The following IQSEC2 variants were observed in gnomAD, a reference collection of about 807,000 sequenced individuals.
IQSEC2 encodes IQ motif and Sec7 domain ArfGEF 2, also known as IQ motif and SEC7 domain-containing protein 2.
IQSEC2 carries 6 observed loss-of-function variants against 74.6 expected under a neutral mutation model. That is an observed-to-expected ratio of 0.08 (90% CI 0.04 to 0.16). The LOEUF is 0.16. Ranked by LOEUF, IQSEC2 falls within the 10% of genes least tolerant of loss-of-function variation. IQSEC2 has a pLI of 1.00. For missense variants in IQSEC2, 734 were observed against 1,306.2 expected (o/e 0.56, Z 6.75); for synonymous variants, 494 against 544.5 (o/e 0.91, Z 1.29).
chrX:53,309,266 C>T (rs1353622214), intron 1 of IQSEC2, among the ~76,000 whole-genome samples: 2 of 111,748 alleles, frequency 1.8e-5, no homozygotes, highest in Admixed American at 9.5e-5. Context: ...ATGAAGTTAC[C>T]GCCAGAAGAA....
chrX:53,225,999 TTAAC>T (rs1306120643), downstream of IQSEC2: 1 of 112,864 alleles, frequency 8.9e-6, no homozygotes, highest in Non-Finnish European at 1.9e-5. Flanking sequence ...TATGTATACT[TTAAC>T]TATTGGATGT....
chrX:53,244,773 A>G (rs1556861718), intron 8 of IQSEC2, among the ~76,000 whole-genome samples: 1 of 111,673 alleles, frequency 9.0e-6, no homozygotes, highest in African/African-American at 3.3e-5. Flanking sequence ...ATGGGGGAAA[A>G]GATTAGAACG....
chrX:53,307,919 G>A lies in IQSEC2; in HGVS notation c.707+12498C>T, dbSNP rs1260532460. On this transcript the variant is annotated intron_variant, in intron 1 of 14. Coordinates refer to ENST00000642864, the MANE Select transcript of IQSEC2 (RefSeq NM_001111125.3). ...AAAAAAAAAAAGGCCGGGCACGGCG[G>A]CTCATGCCTATAATCCCAGCACTTT... Among the ~76,000 whole-genome samples, 11 of 107,096 alleles carry A rather than the reference G, an allele frequency of 1.0e-4. No homozygotes were observed. In the Admixed American group the frequency reaches 1.1e-3, roughly 11 times the overall value. 93.0% of individuals were successfully genotyped at this position (107,096 alleles called of 115,157 possible).
At chrX:53,315,383 C>T (rs1156800592) in intron 1 of IQSEC2, among the ~76,000 whole-genome samples, 2 of 111,721 alleles carry the variant, frequency 1.8e-5, no homozygotes, top group Non-Finnish European at 3.8e-5. Context: ...AAGAGTGAAA[C>T]TCATAAAACA....
intron 2 of IQSEC2, among the ~76,000 whole-genome samples, chrX:53,267,227 T>C (rs1279944596): frequency 9.0e-6 from 1 of 111,486 alleles, no homozygotes; most frequent in Non-Finnish European, 1.9e-5. Flanking sequence ...TGATGGATTA[T>C]CCAGGGTCAC....
intron 7 of IQSEC2, 116 bp from the exon 8 acceptor site, chrX:53,247,251 T>G: frequency 4.2e-6 from 3 of 717,884 alleles, no homozygotes; most frequent in Non-Finnish European, 6.3e-6. Context: ...TCTTGATCTC[T>G]GGGTCTGTCC....
chrX:53,292,214 T>C (rs1344110182), intron 1 of IQSEC2, among the ~76,000 whole-genome samples: 1 of 111,555 alleles, frequency 9.0e-6, no homozygotes, highest in Non-Finnish European at 1.9e-5. Flanking sequence ...ACCAAACATG[T>C]GGGGCCTAGT....
intron 1 of IQSEC2, among the ~76,000 whole-genome samples, chrX:53,312,878 C>A (rs1556878287): frequency 8.9e-6 from 1 of 112,321 alleles, no homozygotes; most frequent in African/African-American, 3.2e-5. Flanking sequence ...TGGAATCCAG[C>A]AGGAAATCAC....
rs782674949 is a variant in IQSEC2 at position 53,236,508 on chromosome X, C to T, written c.3278-13G>A. The T allele has an allele frequency of 7.6e-6, 9 of 1,186,715 alleles. No individual in the cohort carries two copies. The African/African-American group carries it at 8.8e-5, about 12-fold the overall frequency. ...TTCTCCAGCTCCGCTGGGTGGCAGT[C>T]GGGGAGACAGGGAGCAAAGGTCAGG... On this transcript the variant is annotated splice_polypyrimidine_tract_variant and intron_variant, in intron 12 of 14. Coordinates refer to ENST00000642864, the MANE Select transcript of IQSEC2 (RefSeq NM_001111125.3).
intron 2 of IQSEC2, chrX:53,266,674 G>A: frequency 1.1e-6 from 1 of 883,352 alleles, no homozygotes; most frequent in African/African-American, 2.2e-5. Context: ...TGCGGGTACG[G>A]GAGGATCCAG....
intron 2 of IQSEC2, among the ~76,000 whole-genome samples, chrX:53,280,085 G>A (rs1323559795): frequency 3.7e-5 from 4 of 109,072 alleles, no homozygotes; most frequent in Non-Finnish European, 5.7e-5. Context: ...TGTTCCAGGT[G>A]ACTCCGTGGG....
intron 1 of IQSEC2, among the ~76,000 whole-genome samples, chrX:53,307,126 C>T (rs2075270622): frequency 9.1e-6 from 1 of 109,339 alleles, no homozygotes; most frequent in Non-Finnish European, 1.9e-5. Context: ...ATGTTGGTGC[C>T]CCCAAAATAA....
At chrX:53,266,501 G>A (rs1045619304) in intron 2 of IQSEC2, 25 of 755,171 alleles carry the variant, frequency 3.3e-5, no homozygotes, top group East Asian at 1.5e-4. Context: ...GGGAACAAAC[G>A]ACAGGGAACT....
chrX:53,255,834 C>T lies in IQSEC2; in HGVS notation c.965G>A (p.Ser322Asn), dbSNP rs781915659. 14 of 1,210,445 alleles carry T rather than the reference C, an allele frequency of 1.2e-5. 1 individual carries two copies. The South Asian group carries it at 2.3e-4, about 20-fold the overall frequency. ...EIKRSKALSD[S>N]YELSTDLQDK... ...CTGCAGGTCTGTGGAGAGTTCATAG[C>T]TGTCCGATAGGGCCTTGGAGCGCTT... Residue 322 changes from serine to asparagine, a missense_variant, in exon 3 of 15, where the codon AGC (serine) becomes AAC (asparagine). By Grantham distance (46) the Ser-to-Asn change is conservative. Coordinates refer to ENST00000642864, the MANE Select transcript of IQSEC2 (RefSeq NM_001111125.3).
intron 1 of IQSEC2, among the ~76,000 whole-genome samples, chrX:53,317,472 C>T (rs993951472): frequency 6.3e-5 from 7 of 111,643 alleles, no homozygotes; most frequent in African/African-American, 2.3e-4. Flanking sequence ...GGGAGTCTGT[C>T]TTATGAGTAA....
chrX:53,271,949 T>C (rs2074750362), intron 2 of IQSEC2, among the ~76,000 whole-genome samples: 1 of 111,513 alleles, frequency 9.0e-6, no homozygotes, highest in African/African-American at 3.3e-5. Context: ...TTGCATTCAA[T>C]TTCCGGAGGT....
At chrX:53,292,174 G>T in intron 1 of IQSEC2, among the ~76,000 whole-genome samples, 1 of 112,033 alleles carries the variant, frequency 8.9e-6, no homozygotes, top group Middle Eastern at 4.6e-3. Context: ...GGGAAGAGTG[G>T]TCAGAAGTGA....
intron 1 of IQSEC2, among the ~76,000 whole-genome samples, chrX:53,299,241 A>G (rs1460463278): frequency 1.8e-5 from 2 of 111,088 alleles, no homozygotes; most frequent in African/African-American, 3.3e-5. Context: ...TTACATTAAA[A>G]TAAAATATAC....
intron 2 of IQSEC2, among the ~76,000 whole-genome samples, chrX:53,289,857 T>C (rs962600001): frequency 3.6e-5 from 4 of 111,862 alleles, no homozygotes; most frequent in Non-Finnish European, 7.5e-5. Flanking sequence ...CCCAAGGCAC[T>C]GACTCTCTCA....
Sources: allele counts gnomAD v4.1 joint callset (sites outside exome capture counted in the v4.1 genomes callset), GRCh38; gene constraint gnomAD v4.1.1; transcripts MANE v1.5; gene names NCBI Gene and HGNC (gene_info 2026-07-23, HGNC 2026-07-21).